The following WIPI2 variants were observed in gnomAD, a reference collection of about 807,000 sequenced individuals.
The protein encoded by WIPI2 is WD repeat domain phosphoinositide-interacting protein 2.
A neutral mutation model predicts 52.3 loss-of-function variants in WIPI2; 28 were observed. The observed-to-expected ratio is 0.54, with a 90% CI of 0.40 to 0.73. The LOEUF (loss-of-function observed/expected upper bound fraction) is 0.73, where lower values mean the gene tolerates loss of function less well. WIPI2 is among the 30% of genes least tolerant of loss of function. WIPI2 has a pLI of 0.00. For synonymous variants in WIPI2, 268 were observed against 245.0 expected (o/e 1.09, Z -0.88); for missense variants, 506 against 602.9 (o/e 0.84, Z 1.68).
At chr7:5,202,732 G>A (rs1044029534) in intron 3 of WIPI2, among the ~76,000 whole-genome samples, 11 of 151,358 alleles carry the variant, frequency 7.3e-5, no homozygotes, top group South Asian at 2.1e-4. Flanking sequence ...CACCGCGCCC[G>A]GCCTCTCATA....
At chr7:5,209,760 G>A (rs1782461289) in intron 3 of WIPI2, among the ~76,000 whole-genome samples, 1 of 151,944 alleles carries the variant, frequency 6.6e-6, no homozygotes, top group Admixed American at 6.6e-5. Flanking sequence ...TAAGTGGTTT[G>A]TTCCTCCAGG....
chr7:5,202,137 T>G (rs1338369055), intron 3 of WIPI2, among the ~76,000 whole-genome samples: 2 of 152,168 alleles, frequency 1.3e-5, no homozygotes, highest in Non-Finnish European at 2.9e-5. Context: ...CATCATAAAA[T>G]CAGATCTTTG....
intron 3 of WIPI2, among the ~76,000 whole-genome samples, chr7:5,211,076 A>G (rs530876406): frequency 2.0e-5 from 3 of 152,362 alleles, no homozygotes; most frequent in East Asian, 1.9e-4. Context: ...CAGTAGCCCT[A>G]TGTAGACCAG....
chr7:5,227,426 C>A lies in WIPI2; in HGVS notation c.1013+82C>A. The stretch of plus-strand genomic sequence containing the variant: ...AGTCCTGGCGGCTTGTGGCCCCTTC[C>A]GTGCTTCTGAACAGGAGCAGCTTCT... On this transcript the variant is annotated intron_variant, in intron 10 of 12. Coordinates refer to ENST00000288828, the MANE Select transcript of WIPI2 (RefSeq NM_015610.4). The surrounding 1 kb of genome is among the most constrained non-coding windows in gnomAD (Gnocchi z 8.1). 6.5e-7 allele frequency: 1 copy of A among 1,538,764 alleles called. No homozygotes were observed. The highest frequency in any genetic ancestry group is 2.3e-5 in the East Asian group (1 of 43,486).
At position 5,210,350 on chromosome 7, in the gene WIPI2, C is replaced by T. The variant is rs10253380; in HGVS notation, c.212-4185C>T. 4.0e-3 allele frequency among the ~76,000 whole-genome samples: 612 copies of T among 152,340 alleles called. 7 individuals are homozygous for T. The highest frequency in any genetic ancestry group is 0.013 in the African/African-American group (547 of 41,566). ...GCTCCTCGTTCCCAGACTCAGGGGA[C>T]GTGTCTCATTTCCTCTTCCCTCCTC... On this transcript the variant is annotated intron_variant, in intron 3 of 12. Transcript: ENST00000288828.
chr7:5,194,156 T>C (rs1042784561), intron 2 of WIPI2, among the ~76,000 whole-genome samples: 1 of 151,972 alleles, frequency 6.6e-6, no homozygotes, highest in Non-Finnish European at 1.5e-5. Flanking sequence ...AGAACTCTGC[T>C]TGGGGATACT....
chr7:5,197,076 C>T (rs1257633241), intron 2 of WIPI2, among the ~76,000 whole-genome samples: 2 of 131,598 alleles, frequency 1.5e-5, no homozygotes, highest in African/African-American at 5.7e-5. Context: ...CGCGCTGCTG[C>T]ACTCCAGCCT....
chr7:5,203,902 C>T (rs1160744147), intron 3 of WIPI2, among the ~76,000 whole-genome samples: 1 of 152,138 alleles, frequency 6.6e-6, no homozygotes, highest in Non-Finnish European at 1.5e-5. Context: ...GGATTATAGG[C>T]GTGAGCCACC....
chr7:5,199,705 G>C (rs747699608), intron 3 of WIPI2, 47 bp downstream of exon 3: 14 of 1,192,426 alleles, frequency 1.2e-5, no homozygotes, highest in Non-Finnish European at 1.5e-5. Flanking sequence ...AAAAAAAAAA[G>C]TTGTACTTGA....
At chr7:5,210,021 C>G (rs1024790697) in intron 3 of WIPI2, among the ~76,000 whole-genome samples, 1 of 152,140 alleles carries the variant, frequency 6.6e-6, no homozygotes, top group South Asian at 2.1e-4. Flanking sequence ...GATGCTCCTG[C>G]CTCAGCCTCC....
intron 3 of WIPI2, among the ~76,000 whole-genome samples, chr7:5,202,536 A>C (rs933426242): frequency 6.6e-6 from 1 of 151,892 alleles, no homozygotes; most frequent in African/African-American, 2.4e-5. Flanking sequence ...GGCACATGCC[A>C]CTACACCTGG....
chr7:5,219,624 A>G (rs1364827583), intron 7 of WIPI2, among the ~76,000 whole-genome samples: 1 of 152,186 alleles, frequency 6.6e-6, no homozygotes, highest in Non-Finnish European at 1.5e-5. Context: ...GTCATGTGGC[A>G]ACAAAACAAC....
intron 2 of WIPI2, among the ~76,000 whole-genome samples, chr7:5,193,601 C>G (rs958115717): frequency 6.6e-6 from 1 of 152,232 alleles, no homozygotes. Flanking sequence ...TGGAGTCTCA[C>G]TGTTGCACAG....
At position 5,232,102 on chromosome 7, in the gene WIPI2, C is replaced by A; in HGVS notation, c.*1155C>A. 2.5e-6 allele frequency: 1 copy of A among 398,742 alleles called. No homozygotes were observed. Among genetic ancestry groups the A allele is most frequent in the East Asian group, 3.6e-5 (1 of 28,078 alleles). 24.7% of individuals were successfully genotyped at this position (398,742 alleles called of 1,614,324 possible). On this transcript the variant is annotated 3_prime_UTR_variant, in exon 13 of 13. Transcript: ENST00000288828. The stretch of plus-strand genomic sequence containing the variant: ...GACTCTGCATTCCAAACCAAGGCAC[C>A]CAGCAGCCAAAGTGTCGAGGGCATT...
At chr7:5,217,452 C>T in intron 6 of WIPI2, 1 of 455,456 alleles carries the variant, frequency 2.2e-6, no homozygotes. Context: ...TCATGCAACA[C>T]CACACCCAGC....
At chr7:5,195,943 G>C (rs1249009196) in intron 2 of WIPI2, among the ~76,000 whole-genome samples, 1 of 152,074 alleles carries the variant, frequency 6.6e-6, no homozygotes, top group African/African-American at 2.4e-5. Flanking sequence ...GGACGCTGAG[G>C]CAGGAGAATC....
In WIPI2 at chr7:5,231,986, C is replaced by G. The variant is rs1436431597; in HGVS notation, c.*1039C>G. 2.5e-6 allele frequency: 1 copy of G among 393,472 alleles called. No individual in the cohort carries two copies. The highest frequency in any genetic ancestry group is 4.5e-6 in the Non-Finnish European group (1 of 223,470). 24.4% of individuals were successfully genotyped at this position (393,472 alleles called of 1,614,324 possible). On this transcript the variant is annotated 3_prime_UTR_variant, in exon 13 of 13. Transcript: ENST00000288828. ...ATCTTAGAAAATTTCCTCAGCAAAC[C>G]GATGAGAGATTGTGGTTGCAAGCTT...
In WIPI2 at chr7:5,227,889, A is replaced by G. The variant is rs149767618; in HGVS notation, c.1014-215A>G. On this transcript the variant is annotated intron_variant, in intron 10 of 12. Coordinates refer to ENST00000288828, the MANE Select transcript of WIPI2 (RefSeq NM_015610.4). This position sits in a 1 kb window ranked among gnomAD's most constrained non-coding sequence, Gnocchi z 8.1. ...TCCCAGAAGCCACAAAACTGGTTTCATCCCGCTCTCGTCTCCCGTGGGCTT... is the reference window on the plus strand; with the variant it reads ...TCCCAGAAGCCACAAAACTGGTTTCGTCCCGCTCTCGTCTCCCGTGGGCTT... 2.0e-5 allele frequency among the ~76,000 whole-genome samples: 3 copies of G among 152,178 alleles called. No individual in the cohort carries two copies. The highest frequency in any genetic ancestry group is 1.3e-4 in the Admixed American group (2 of 15,282).
rs1356037493 is a variant in WIPI2 at position 5,230,803 on chromosome 7, C to G, written c.1253-32C>G. On this transcript the variant is annotated intron_variant, in intron 12 of 12. Transcript: ENST00000288828. The surrounding 1 kb of genome is among the most constrained non-coding windows in gnomAD (Gnocchi z 4.8). ...ATGGGGTCTGTGGTGTGTCCCCAGC[C>G]TTTGAAGGGTGACTTCGTCGTCTCT... The G allele has an allele frequency of 2.5e-6, 4 of 1,585,056 alleles. No individual in the cohort carries two copies. The highest frequency in any genetic ancestry group is 1.3e-5 in the African/African-American group (1 of 74,254).
Sources: allele counts gnomAD v4.1 joint callset (sites outside exome capture counted in the v4.1 genomes callset), GRCh38; gene constraint gnomAD v4.1.1; non-coding constraint Gnocchi (gnomAD v3.1); transcripts MANE v1.5; gene names NCBI Gene and HGNC (gene_info 2026-07-23, HGNC 2026-07-21).